Variants in NTRK2 observed in about 807,000 individuals in gnomAD.
NTRK2 encodes the protein BDNF/NT-3 growth factors receptor.
NTRK2 carries 13 observed loss-of-function variants against 94.5 expected under a neutral mutation model. The observed-to-expected ratio is 0.14, with a 90% CI of 0.09 to 0.22. The LOEUF is 0.22. Among genes scored for constraint, NTRK2 ranks in the 10% least tolerant of loss-of-function variants. The pLI is 1.00. For synonymous variants in NTRK2, 372 were observed against 407.4 expected (o/e 0.91, Z 1.05); for missense variants, 639 against 1,071.2 (o/e 0.60, Z 5.63).
intron 14 of NTRK2, chr9:84,872,722 GTGTT>G: frequency 9.4e-7 from 1 of 1,064,708 alleles, no homozygotes; most frequent in Non-Finnish European, 1.1e-6. Context: ...GTGTATATGT[GTGTT>G]TGTGTGTGCA....
chr9:84,826,549 T>A (rs898541486), intron 12 of NTRK2, among the ~76,000 whole-genome samples: 1 of 152,116 alleles, frequency 6.6e-6, no homozygotes, highest in Non-Finnish European at 1.5e-5. Context: ...GAGAACAGAG[T>A]TGAACTGAGA....
intron 12 of NTRK2, among the ~76,000 whole-genome samples, chr9:84,775,984 C>G (rs946969991): frequency 6.6e-6 from 1 of 152,126 alleles, no homozygotes; most frequent in Non-Finnish European, 1.5e-5. Flanking sequence ...TTCCCAGTTG[C>G]ACATTTATAT....
chr9:84,702,460 T>G, intron 4 of NTRK2, 41 bp downstream of exon 4: 1 of 1,496,326 alleles, frequency 6.7e-7, no homozygotes, highest in Non-Finnish European at 9.3e-7. Flanking sequence ...GGACCCATTT[T>G]ATTCAATATT....
intron 2 of NTRK2, among the ~76,000 whole-genome samples, chr9:84,683,732 A>G (rs2059535065): frequency 6.6e-6 from 1 of 152,160 alleles, no homozygotes; most frequent in East Asian, 1.9e-4. Context: ...GTCAAATGGT[A>G]TTTCTGAGAC....
chr9:84,786,684 T>C (rs534347641), intron 12 of NTRK2, among the ~76,000 whole-genome samples: 1 of 152,170 alleles, frequency 6.6e-6, no homozygotes, highest in Non-Finnish European at 1.5e-5. Context: ...GGAAAAAATC[T>C]TGGTTCAGAG....
At position 84,705,828 on chromosome 9, in the gene NTRK2, C is replaced by T. The variant is rs559084287; in HGVS notation, c.360-2016C>T. Among the ~76,000 whole-genome samples the T allele has an allele frequency of 4.5e-5, 6 of 132,834 alleles. No homozygotes were observed. In the South Asian group the frequency reaches 7.1e-4, roughly 16 times the overall value. The allele number at this position is 132,834 out of a possible 152,430, so 87.1% of individuals were successfully genotyped here. ...TTTAAAGAAGGAGTCTTGCTGTTGTCGCCCAGGCTGGAGTGCAATGGCGCC... is the reference window on the plus strand; with the variant it reads ...TTTAAAGAAGGAGTCTTGCTGTTGTTGCCCAGGCTGGAGTGCAATGGCGCC... On this transcript the variant is annotated intron_variant, in intron 4 of 18. Transcript: ENST00000277120.
chr9:84,905,804 G>C (rs2077057356), intron 14 of NTRK2, among the ~76,000 whole-genome samples: 1 of 152,214 alleles, frequency 6.6e-6, no homozygotes, highest in Admixed American at 6.5e-5. Context: ...GGTGATGGCA[G>C]TGATTGGAAT....
intron 10 of NTRK2, among the ~76,000 whole-genome samples, chr9:84,744,744 A>C (rs115811253): frequency 3.7e-4 from 56 of 152,270 alleles, no homozygotes; most frequent in African/African-American, 1.3e-3. Flanking sequence ...GACCAACAAG[A>C]CAATGATGTA....
intron 2 of NTRK2, among the ~76,000 whole-genome samples, chr9:84,685,872 G>A (rs925274252): frequency 1.3e-5 from 2 of 152,212 alleles, no homozygotes; most frequent in Admixed American, 6.5e-5. Context: ...GTGTGTGCCT[G>A]TGCACCTGTC....
chr9:84,721,498 G>T (rs552714387), intron 6 of NTRK2, among the ~76,000 whole-genome samples: 1 of 152,258 alleles, frequency 6.6e-6, no homozygotes, highest in East Asian at 1.9e-4. Context: ...TAATCTTTAT[G>T]TCTCCATTGA....
intron 12 of NTRK2, chr9:84,812,709 T>C: frequency 9.6e-7 from 1 of 1,041,992 alleles, no homozygotes; most frequent in East Asian, 5.7e-5. Context: ...CATGGAGCCA[T>C]AGAAAGGCTA....
At chr9:84,689,262 C>T (rs1294814352) in intron 2 of NTRK2, among the ~76,000 whole-genome samples, 1 of 152,224 alleles carries the variant, frequency 6.6e-6, no homozygotes, top group African/African-American at 2.4e-5. Context: ...GCGCTGGTTC[C>T]CTTATGGCAA....
At position 84,747,144 on chromosome 9, in the gene NTRK2, C is replaced by T. The variant is rs576106023; in HGVS notation, c.1296+2071C>T. 7.9e-5 allele frequency among the ~76,000 whole-genome samples: 12 copies of T among 151,364 alleles called. No homozygotes were observed. In the East Asian group the frequency reaches 9.7e-4, roughly 12 times the overall value. ...GCCACAAGAGTGGAAATGGGAGGTG[C>T]GTAAACAGATGCAGTGCAACTGCAA... On this transcript the variant is annotated intron_variant, in intron 11 of 18. Coordinates refer to ENST00000277120, the MANE Select transcript of NTRK2 (RefSeq NM_006180.6).
At chr9:84,926,477 C>T (rs2077825186) in intron 14 of NTRK2, among the ~76,000 whole-genome samples, 1 of 152,128 alleles carries the variant, frequency 6.6e-6, no homozygotes, top group Admixed American at 6.5e-5. Context: ...GGTGATCTGC[C>T]CTCCTCGGCC....
intron 12 of NTRK2, among the ~76,000 whole-genome samples, chr9:84,828,245 CAT>C (rs565414152): frequency 6.6e-6 from 1 of 152,296 alleles, no homozygotes; most frequent in Admixed American, 6.5e-5. Flanking sequence ...CTTCCTAAAA[CAT>C]ACTGATTTAT....
intron 13 of NTRK2, among the ~76,000 whole-genome samples, chr9:84,863,384 T>C (rs1290437098): frequency 2.0e-5 from 3 of 152,238 alleles, no homozygotes; most frequent in Non-Finnish European, 4.4e-5. Context: ...TAGAACTATT[T>C]ACCCTAAATC....
intron 12 of NTRK2, chr9:84,813,482 C>G: frequency 5.6e-6 from 6 of 1,065,150 alleles, no homozygotes; most frequent in Non-Finnish European, 6.8e-6. Context: ...TTCTGTCTTC[C>G]CGTTGCAAAT....
At chr9:84,676,764 G>A (rs914532085) in intron 2 of NTRK2, among the ~76,000 whole-genome samples, 8 of 152,088 alleles carry the variant, frequency 5.3e-5, no homozygotes, top group Admixed American at 2.6e-4. Flanking sequence ...AGTAACTGTG[G>A]TTTTTGCCAT....
chr9:84,896,741 T>C (rs1043185106), intron 14 of NTRK2, among the ~76,000 whole-genome samples: 4 of 152,224 alleles, frequency 2.6e-5, no homozygotes, highest in African/African-American at 9.7e-5. Flanking sequence ...TAAACTTTAA[T>C]AGTGAGATAT....
Sources: allele counts gnomAD v4.1 joint callset (sites outside exome capture counted in the v4.1 genomes callset), GRCh38; gene constraint gnomAD v4.1.1; transcripts MANE v1.5; gene names NCBI Gene and HGNC (gene_info 2026-07-23, HGNC 2026-07-21).